SMARCD3: variants seen among roughly 807,000 people sequenced by gnomAD.
SMARCD3 encodes SWI/SNF related BAF chromatin remodeling complex subunit D3.
SMARCD3 carries 14 observed loss-of-function variants against 58.0 expected under a neutral mutation model. The ratio of observed to expected loss-of-function variants is 0.24; its 90% CI spans 0.16 to 0.38. SMARCD3 has a LOEUF of 0.38. SMARCD3 is among the 10% of genes least tolerant of loss of function. The pLI, the probability that SMARCD3 is intolerant of heterozygous loss-of-function variation, is 1.00. For missense variants in SMARCD3, 408 were observed against 636.9 expected, an observed-to-expected ratio of 0.64 and a Z score of 3.87; for synonymous variants, 253 against 253.8, an observed-to-expected ratio of 1.00 and a Z score of 0.03.
At position 151,241,117 on chromosome 7, in the gene SMARCD3, C is replaced by T. The variant is rs1449238074; in HGVS notation, c.939+375G>A. 9.0e-6 allele frequency: 3 copies of T among 333,018 alleles called. No individual in the cohort carries two copies. Among genetic ancestry groups the T allele is most frequent in the African/African-American group, 2.1e-5 (1 of 47,118 alleles). The allele number at this position is 333,018 out of a possible 1,614,324, so 20.6% of individuals were successfully genotyped here. A position where few individuals can be genotyped will look rare whatever the true frequency, so the allele number is the denominator to read the frequency against. The stretch of plus-strand genomic sequence containing the variant: ...GTAGATAGGACAGGTATTGTCACTC[C>T]ACTTCAAAGATAAGGAAACAAGGTT... On this transcript the variant is annotated intron_variant, in intron 8 of 12. Coordinates refer to ENST00000262188, the MANE Select transcript of SMARCD3 (RefSeq NM_001003801.2). The surrounding 1 kb of genome is among the most constrained non-coding windows in gnomAD (Gnocchi z 5.3).
chr7:151,260,635 G>C (rs1044803782), intron 2 of SMARCD3, among the ~76,000 whole-genome samples: 4 of 152,128 alleles, frequency 2.6e-5, no homozygotes, highest in African/African-American at 9.7e-5. Flanking sequence ...CCCCCTACCT[G>C]GACCTCAGTC....
rs1803226669 is a variant in SMARCD3, at chr7:151,245,709, G to A, written c.79-38C>T. 3.8e-6 allele frequency: 2 copies of A among 527,936 alleles called. No individual in the cohort carries two copies. Among genetic ancestry groups the A allele is most frequent in the Admixed American group, 4.4e-5 (1 of 22,606 alleles). 32.7% of individuals were successfully genotyped at this position (527,936 alleles called of 1,614,324 possible). On this transcript the variant is annotated intron_variant, in intron 1 of 12. Coordinates refer to ENST00000262188, the MANE Select transcript of SMARCD3 (RefSeq NM_001003801.2). This position sits in a 1 kb window ranked among gnomAD's most constrained non-coding sequence, Gnocchi z 6.2. Reference sequence around the variant, plus strand: ...GGGGGTGAAGCAGAAACGGGCGCCCGTGGGTCAGACCAGGGCCCCCCGCTC... The same window carrying A: ...GGGGGTGAAGCAGAAACGGGCGCCCATGGGTCAGACCAGGGCCCCCCGCTC...
upstream of SMARCD3, among the ~76,000 whole-genome samples, chr7:151,252,861 G>A (rs1452644600): frequency 6.6e-6 from 1 of 152,206 alleles, no homozygotes; most frequent in African/African-American, 2.4e-5. Flanking sequence ...GACACTCTCT[G>A]CTGCTATCAA....
upstream of SMARCD3, among the ~76,000 whole-genome samples, chr7:151,252,815 G>T (rs1181008138): frequency 1.3e-5 from 2 of 152,152 alleles, no homozygotes; most frequent in Non-Finnish European, 2.9e-5. Flanking sequence ...GCAGCTGTGC[G>T]CTTCCCTGTT....
chr7:151,258,577 A>G (rs943000696), intron 2 of SMARCD3, among the ~76,000 whole-genome samples: 22 of 150,056 alleles, frequency 1.5e-4, no homozygotes, highest in Non-Finnish European at 1.5e-4. Flanking sequence ...AAAAAAAAAA[A>G]AAAGAAAAAG....
Position 151,246,147 on chromosome 7 carries a change from C to A in SMARCD3, c.79-476G>T, listed in dbSNP as rs1803251280. 6.6e-6 allele frequency: 1 copy of A among 152,222 alleles called. No individual in the cohort carries two copies. The highest frequency in any genetic ancestry group is 1.5e-5 in the Non-Finnish European group (1 of 68,116). 9.4% of individuals were successfully genotyped at this position (152,222 alleles called of 1,614,324 possible). A position where few individuals can be genotyped will look rare whatever the true frequency, so the allele number is the denominator to read the frequency against. ...CCCCTGAAGGGCTGCCTCCTGGGGG[C>A]CCAGGGCTTTGCTCTCTGCGGCTTG... is the stretch of plus-strand genomic sequence containing the variant. On this transcript the variant is annotated intron_variant, in intron 1 of 12. Transcript: ENST00000262188. The surrounding 1 kb of genome is among the most constrained non-coding windows in gnomAD (Gnocchi z 4.4).
At chr7:151,272,533 A>G (rs1795208804) in intron 2 of SMARCD3, among the ~76,000 whole-genome samples, 1 of 152,148 alleles carries the variant, frequency 6.6e-6, no homozygotes, top group Non-Finnish European at 1.5e-5. Context: ...AAAGGTTCAC[A>G]TGGGAGATGG....
At chr7:151,260,623 C>G (rs139732144) in intron 2 of SMARCD3, among the ~76,000 whole-genome samples, 1 of 152,168 alleles carries the variant, frequency 6.6e-6, no homozygotes, top group Non-Finnish European at 1.5e-5. Flanking sequence ...CACGCCACCC[C>G]GCCCCCTACC....
Position 151,242,535 on chromosome 7 carries a change from G to A in SMARCD3, c.525C>T (p.Ser175=), listed in dbSNP as rs1224094882. The A allele has an allele frequency of 6.2e-6, 10 of 1,613,948 alleles. No homozygotes were observed. Among genetic ancestry groups the A allele is most frequent in the Middle Eastern group, 1.6e-4 (1 of 6,084 alleles). ...FNPAKPDAED[S]DGSIASWELR... Reference sequence around the variant, plus strand: ...GCTCCCAGGAGGCAATGCTGCCGTCGGAATCCTCAGCATCAGGCTTCGCAG... The same window carrying A: ...GCTCCCAGGAGGCAATGCTGCCGTCAGAATCCTCAGCATCAGGCTTCGCAG... The change falls in exon 5 of 13, where the codon TCC becomes TCT. Residue 175 remains serine, a synonymous_variant. Transcript: ENST00000262188. This position sits in a 1 kb window ranked among gnomAD's most constrained non-coding sequence, Gnocchi z 4.7.
At chr7:151,262,124 G>C (rs1215545804) in intron 2 of SMARCD3, among the ~76,000 whole-genome samples, 1 of 151,056 alleles carries the variant, frequency 6.6e-6, no homozygotes, top group South Asian at 2.1e-4. Context: ...GTTTTGCTCT[G>C]TCGTCTAGAC....
chr7:151,270,572 G>A (rs1795144979), intron 2 of SMARCD3, among the ~76,000 whole-genome samples: 1 of 152,176 alleles, frequency 6.6e-6, no homozygotes, highest in Non-Finnish European at 1.5e-5. Context: ...CAAGCCGGGT[G>A]GGAGAAAGCC....
Position 151,241,427 on chromosome 7 carries a change from A to C in SMARCD3, c.939+65T>G, listed in dbSNP as rs1372589625. The C allele has an allele frequency of 7.2e-7, 1 of 1,387,530 alleles. No homozygotes were observed. Among genetic ancestry groups the C allele is most frequent in the African/African-American group, 1.4e-5 (1 of 70,620 alleles). The allele number at this position is 1,387,530 out of a possible 1,614,324, so 86.0% of individuals were successfully genotyped here. On this transcript the variant is annotated intron_variant, in intron 8 of 12. Transcript: ENST00000262188. The surrounding 1 kb of genome is among the most constrained non-coding windows in gnomAD (Gnocchi z 5.3). ...GGAGGGGTGGTAGTTACCTTGGTAG[A>C]GGTACTTCCCCTGCTGGAGAACTCC...
In SMARCD3 at chr7:151,245,492, C is replaced by A; in HGVS notation, c.258G>T (p.Gln86His). The change falls in exon 2 of 13, where the codon CAG (glutamine) becomes CAT (histidine). Residue 86 changes from glutamine (Q) to histidine (H), a missense_variant. Gln to His is a conservative substitution (Grantham distance 24). This residue lies in a region of SMARCD3 where 128 missense variants were observed against 188.8 expected (regional missense o/e 0.68). Coordinates refer to ENST00000262188, the MANE Select transcript of SMARCD3 (RefSeq NM_001003801.2). The surrounding 1 kb of genome is among the most constrained non-coding windows in gnomAD (Gnocchi z 6.2). The part of the protein sequence containing the change: ...PGQSQAQSQG[Q>H]PVPTAPARSR... ...TCCGCGCGGGGGCGGTGGGCACCGG[C>A]TGGCCCTGGCTCTGTGCCTGGCTCT... 1.6e-6 allele frequency: 2 copies of A among 1,225,598 alleles called. No homozygotes were observed. The highest frequency in any genetic ancestry group is 1.0e-6 in the Non-Finnish European group (1 of 983,692). 75.9% of individuals were successfully genotyped at this position (1,225,598 alleles called of 1,614,324 possible). A position where few individuals can be genotyped will look rare whatever the true frequency, so the allele number is the denominator to read the frequency against.
At position 151,241,889 on chromosome 7, in the gene SMARCD3, C is replaced by T; in HGVS notation, c.765G>A (p.Met255Ile). 6.2e-7 allele frequency: 1 copy of T among 1,610,638 alleles called. No homozygotes were observed. Among genetic ancestry groups the T allele is most frequent in the Non-Finnish European group, 8.5e-7 (1 of 1,178,516 alleles). ...GGCAGGTGCAGACCTGGTAGTCCAG[C>T]ATGAGGAGCAGCGTGCAGCGCACAC... ...DLSVRCTLLL[M>I]LDYQPPQFKL... The change falls in exon 7 of 13, where the codon ATG becomes ATA. Residue 255 changes from methionine (M) to isoleucine (I), a missense_variant. Around this residue, in one of 4 missense-constraint regions of SMARCD3, gnomAD observed 115 missense variants for 257.2 expected, o/e 0.45. Coordinates refer to ENST00000262188, the MANE Select transcript of SMARCD3 (RefSeq NM_001003801.2). This position sits in a 1 kb window ranked among gnomAD's most constrained non-coding sequence, Gnocchi z 5.3.
At position 151,245,658 on chromosome 7, in the gene SMARCD3, G is replaced by C; in HGVS notation, c.92C>G (p.Pro31Arg). 8.8e-7 allele frequency: 1 copy of C among 1,134,526 alleles called. No individual in the cohort carries two copies. The highest frequency in any genetic ancestry group is 1.1e-6 in the Non-Finnish European group (1 of 899,778). 70.3% of individuals were successfully genotyped at this position (1,134,526 alleles called of 1,614,324 possible). Residue 31 changes from proline (P) to arginine (R), a missense_variant, in exon 2 of 13, where the codon CCG (proline) becomes CGG (arginine). Pro to Arg is a moderately radical substitution (Grantham distance 103). Around this residue, in one of 4 missense-constraint regions of SMARCD3, gnomAD observed 84 missense variants for 81.2 expected, o/e 1.03. Coordinates refer to ENST00000262188, the MANE Select transcript of SMARCD3 (RefSeq NM_001003801.2). The surrounding 1 kb of genome is among the most constrained non-coding windows in gnomAD (Gnocchi z 6.2). Reference protein sequence around the residue: ...FLVHGVRPGMPSGARMPHQGA... With the variant: ...FLVHGVRPGMRSGARMPHQGA... The stretch of plus-strand genomic sequence containing the variant: ...CTGGTGGGGCATCCGGGCTCCAGAC[G>C]GCATCCCGGGGCGCTGGGGGTGGGC...
In SMARCD3 at chr7:151,239,771, T is replaced by A. The variant is rs1563642650; in HGVS notation, c.1174-25A>T. On this transcript the variant is annotated intron_variant, in intron 10 of 12. Coordinates refer to ENST00000262188, the MANE Select transcript of SMARCD3 (RefSeq NM_001003801.2). The surrounding 1 kb of genome is among the most constrained non-coding windows in gnomAD (Gnocchi z 7.0). ...TCTGCAGGTAGAAAGATAGATGCTT[T>A]CCACCTGGCTTTGGTGATGTGGGAG... 8 of 1,611,920 alleles carry A rather than the reference T, an allele frequency of 5.0e-6. No individual in the cohort carries two copies. Among genetic ancestry groups the A allele is most frequent in the Non-Finnish European group, 6.8e-6 (8 of 1,179,112 alleles).
Position 151,238,886 on chromosome 7 carries a change from G to T in SMARCD3, c.*217C>A. On this transcript the variant is annotated 3_prime_UTR_variant, in exon 13 of 13. Transcript: ENST00000262188. ...ATCCAAGGGAAGGGAATGGGGAGTC[G>T]TCCCGAGGGACCCACTGCCTCCCCA... The T allele has an allele frequency of 7.8e-7, 1 of 1,281,284 alleles. No homozygotes were observed. The highest frequency in any genetic ancestry group is 1.4e-5 in the South Asian group (1 of 73,188). The allele number at this position is 1,281,284 out of a possible 1,614,324, so 79.4% of individuals were successfully genotyped here. A position where few individuals can be genotyped will look rare whatever the true frequency, so the allele number is the denominator to read the frequency against.
upstream of SMARCD3, among the ~76,000 whole-genome samples, chr7:151,253,493 C>T (rs1175600878): frequency 6.6e-6 from 1 of 152,178 alleles, no homozygotes; most frequent in East Asian, 1.9e-4. Context: ...TCCTTCCTCT[C>T]TTTGCCTGCG....
upstream of SMARCD3, among the ~76,000 whole-genome samples, chr7:151,251,909 G>A (rs1438489342): frequency 1.4e-5 from 2 of 143,774 alleles, no homozygotes; most frequent in East Asian, 2.0e-4. Flanking sequence ...CGGGGAGCTG[G>A]GGGGGCTCGG....
Sources: gnomAD v4.1 joint callset for allele counts (sites outside exome capture counted in the v4.1 genomes callset) on GRCh38, gnomAD v4.1.1 for gene constraint, gnomAD v4.1.1 regional missense constraint, Gnocchi (gnomAD v3.1) non-coding constraint, MANE v1.5 for transcripts, NCBI Gene and HGNC (gene_info 2026-07-23, HGNC 2026-07-21) for gene names.